SENP8: variants seen among roughly 807,000 people sequenced by gnomAD.
SENP8 encodes SUMO peptidase family member, NEDD8 specific.
SENP8 carries 10 observed loss-of-function variants against 14.4 expected under a neutral mutation model. The observed-to-expected ratio is 0.69, with a 90% CI of 0.43 to 1.18. SENP8 has a LOEUF of 1.18. Ranked by LOEUF, SENP8 falls within the 50% of genes most tolerant of loss-of-function variation. The pLI, the probability that SENP8 is intolerant of heterozygous loss-of-function variation, is 0.00. For synonymous variants in SENP8, 94 were observed against 95.5 expected (o/e 0.98, Z 0.09); for missense variants, 202 against 249.4 (o/e 0.81, Z 1.28).
chr15:72,128,661 T>G (rs898074936), intron 1 of SENP8, among the ~76,000 whole-genome samples: 2 of 152,254 alleles, frequency 1.3e-5, no homozygotes, highest in African/African-American at 2.4e-5. Flanking sequence ...CTCTTTCCCC[T>G]AAAGTTGGTC....
At chr15:72,128,645 G>A (rs1348369212) in intron 1 of SENP8, among the ~76,000 whole-genome samples, 1 of 152,212 alleles carries the variant, frequency 6.6e-6, no homozygotes, top group Non-Finnish European at 1.5e-5. Flanking sequence ...TGATTAAGTG[G>A]TTTAGCTCTT....
chr15:72,132,326 T>A (rs1260470776), intron 1 of SENP8, among the ~76,000 whole-genome samples: 6 of 151,952 alleles, frequency 3.9e-5, no homozygotes, highest in Non-Finnish European at 7.4e-5. Context: ...AGCAGAACAA[T>A]AAAGGATAAC....
Position 72,139,632 on chromosome 15 carries a change from C to T in SENP8, c.9C>T (p.Pro3=). 5 of 1,613,360 alleles carry T rather than the reference C, an allele frequency of 3.1e-6. No individual in the cohort carries two copies. The highest frequency in any genetic ancestry group is 1.7e-5 in the Admixed American group (1 of 59,970). Residue 3 remains proline, a synonymous_variant, in exon 2 of 2, where the codon CCC becomes CCT. Coordinates refer to ENST00000340912, the MANE Select transcript of SENP8 (RefSeq NM_145204.4). MD[P]VVLSYMDSLL... ...GCCCTCGTCAGTACAAGATGGACCC[C>T]GTAGTCTTGAGTTACATGGACAGTC...
upstream of SENP8, chr15:72,117,888 C>G: frequency 2.5e-6 from 1 of 398,410 alleles, no homozygotes; most frequent in Non-Finnish European, 4.4e-6. Context: ...CTCCGCCCGG[C>G]CTGAGCAGGC....
chr15:72,125,223 T>G (rs1360200904), intron 1 of SENP8, among the ~76,000 whole-genome samples: 1 of 152,192 alleles, frequency 6.6e-6, no homozygotes, highest in African/African-American at 2.4e-5. Context: ...TTGAAAAAGC[T>G]TGCATGTATG....
Position 72,139,435 on chromosome 15 carries a change from T to C in SENP8, c.-47-142T>C, listed in dbSNP as rs909975076. The C allele has an allele frequency of 9.9e-6, 7 of 709,582 alleles. No homozygotes were observed. In the Admixed American group the frequency reaches 2.2e-4, roughly 23 times the overall value. 44.0% of individuals were successfully genotyped at this position (709,582 alleles called of 1,614,324 possible). The stretch of plus-strand genomic sequence containing the variant: ...TGGCAGAGGCAAAAGAAAATCCATG[T>C]GTAAGTAGATCTGCACAGATCAAAC... On this transcript the variant is annotated intron_variant, in intron 1 of 1. Transcript: ENST00000340912.
intron 1 of SENP8, among the ~76,000 whole-genome samples, chr15:72,125,126 T>G (rs544273802): frequency 6.6e-6 from 1 of 152,290 alleles, no homozygotes; most frequent in African/African-American, 2.4e-5. Context: ...CACACATTGT[T>G]AATGTCTCCC....
chr15:72,142,059 A>G lies in SENP8; in HGVS notation c.*1797A>G, dbSNP rs1567073333. On this transcript the variant is annotated 3_prime_UTR_variant, in exon 2 of 2. Coordinates refer to ENST00000340912, the MANE Select transcript of SENP8 (RefSeq NM_145204.4). ...CTGAGAATTAAAGCATATGAAAGCA[A>G]TCTTTCCTAACTCCCTACGATTCAT... is the stretch of plus-strand genomic sequence containing the variant. The G allele has an allele frequency of 2.0e-5, 3 of 152,232 alleles. No individual in the cohort carries two copies. The highest frequency in any genetic ancestry group is 7.2e-5 in the African/African-American group (3 of 41,462). 9.4% of individuals were successfully genotyped at this position (152,232 alleles called of 1,614,324 possible). A position where few individuals can be genotyped will look rare whatever the true frequency, so the allele number is the denominator to read the frequency against.
At chr15:72,117,630 C>G (rs984361163), upstream of SENP8, 1 of 394,842 alleles carries the variant, frequency 2.5e-6, no homozygotes, top group Non-Finnish European at 4.5e-6. Flanking sequence ...GAGGCTGAGA[C>G]GTGGGCCAGG....
At chr15:72,118,670 C>T (rs974395073) in intron 1 of SENP8, 5 of 152,254 alleles carry the variant, frequency 3.3e-5, no homozygotes, top group Admixed American at 2.6e-4. Flanking sequence ...CGTTTCCATT[C>T]ATTTCTCAGA....
chr15:72,124,763 A>T (rs977205647), intron 1 of SENP8, among the ~76,000 whole-genome samples: 1 of 152,118 alleles, frequency 6.6e-6, no homozygotes, highest in Non-Finnish European at 1.5e-5. Context: ...TTTACTAATT[A>T]TGTGTTCATT....
At chr15:72,123,759 A>C (rs1245950740) in intron 1 of SENP8, among the ~76,000 whole-genome samples, 2 of 152,142 alleles carry the variant, frequency 1.3e-5, no homozygotes. Flanking sequence ...AGGCTGATCT[A>C]GAACGCCCGA....
intron 1 of SENP8, among the ~76,000 whole-genome samples, chr15:72,137,566 A>G (rs2081338375): frequency 6.6e-6 from 1 of 152,198 alleles, no homozygotes; most frequent in Non-Finnish European, 1.5e-5. Flanking sequence ...TTTCATTTGT[A>G]TTAGTCTCAT....
At position 72,142,170 on chromosome 15, in the gene SENP8, A is replaced by G. The variant is rs2081385106; in HGVS notation, c.*1908A>G. 6.6e-6 allele frequency: 1 copy of G among 152,174 alleles called. No homozygotes were observed. The highest frequency in any genetic ancestry group is 2.1e-4 in the South Asian group (1 of 4,834). The allele number at this position is 152,174 out of a possible 1,614,324, so 9.4% of individuals were successfully genotyped here. A position where few individuals can be genotyped will look rare whatever the true frequency, so the allele number is the denominator to read the frequency against. ...AAAATATATATACACACGTATAGAC[A>G]TGTATATGTAATCTATCTACATATA... On this transcript the variant is annotated 3_prime_UTR_variant, in exon 2 of 2. Coordinates refer to ENST00000340912, the MANE Select transcript of SENP8 (RefSeq NM_145204.4).
intron 1 of SENP8, among the ~76,000 whole-genome samples, chr15:72,126,400 G>A (rs2081219764): frequency 6.6e-6 from 1 of 151,852 alleles, no homozygotes; most frequent in Non-Finnish European, 1.5e-5. Context: ...GAGGTGGGTG[G>A]ATCACAAGGT....
At chr15:72,115,120 C>A (rs953546296), upstream of SENP8, among the ~76,000 whole-genome samples, 6 of 152,212 alleles carry the variant, frequency 3.9e-5, no homozygotes, top group African/African-American at 1.4e-4. Context: ...GTGAATCTCA[C>A]TGTTAATGCT....
upstream of SENP8, among the ~76,000 whole-genome samples, chr15:72,116,036 T>C (rs1211769938): frequency 1.3e-5 from 2 of 152,198 alleles, no homozygotes; most frequent in Admixed American, 6.5e-5. Flanking sequence ...ATGTATAGAA[T>C]GTAAAGTATG....
In SENP8 at chr15:72,119,193, G is replaced by A. The variant is rs554277937; in HGVS notation, c.-48+729G>A. 1.1e-3 allele frequency among the ~76,000 whole-genome samples: 172 copies of A among 152,212 alleles called. 1 individual carries two copies. The highest frequency in any genetic ancestry group is 2.4e-3 in the African/African-American group (98 of 41,510). On this transcript the variant is annotated intron_variant, in intron 1 of 1. Transcript: ENST00000340912. The stretch of plus-strand genomic sequence containing the variant: ...AAAGCGTACCATGAAACCGAGAAGT[G>A]GCCTCTTCGAGGGTGAGGGAGGCTA...
At chr15:72,130,147 G>A (rs980294629) in intron 1 of SENP8, among the ~76,000 whole-genome samples, 2 of 152,146 alleles carry the variant, frequency 1.3e-5, no homozygotes, top group Admixed American at 6.5e-5. Flanking sequence ...CTGAGATCGC[G>A]CCATTGCACT....
Sources: allele counts gnomAD v4.1 joint callset (sites outside exome capture counted in the v4.1 genomes callset), GRCh38; gene constraint gnomAD v4.1.1; transcripts MANE v1.5; gene names NCBI Gene and HGNC (gene_info 2026-07-23, HGNC 2026-07-21).